CLSTN2: variants seen among roughly 807,000 people sequenced by gnomAD.
The protein encoded by CLSTN2 is calsyntenin-2.
A neutral mutation model predicts 101.2 loss-of-function variants in CLSTN2; 48 were observed. That is an observed-to-expected ratio of 0.47 (90% CI 0.38 to 0.60). The LOEUF is 0.60. Among genes scored for constraint, CLSTN2 ranks in the 20% least tolerant of loss-of-function variants. CLSTN2 has a pLI of 0.00. For synonymous variants in CLSTN2, 481 were observed against 463.6 expected, an observed-to-expected ratio of 1.04 and a Z score of -0.48; for missense variants, 1,160 against 1,238.2, an observed-to-expected ratio of 0.94 and a Z score of 0.95.
At chr3:140,331,924 T>A (rs576954163) in intron 2 of CLSTN2, among the ~76,000 whole-genome samples, 3 of 152,208 alleles carry the variant, frequency 2.0e-5, no homozygotes, top group Non-Finnish European at 4.4e-5. Flanking sequence ...TTAGATTCCA[T>A]CCATCCATTC....
At chr3:140,345,768 T>C (rs2087540766) in intron 2 of CLSTN2, among the ~76,000 whole-genome samples, 1 of 152,086 alleles carries the variant, frequency 6.6e-6, no homozygotes, top group South Asian at 2.1e-4. Flanking sequence ...GCTAGCTGTT[T>C]TTAATCCACT....
rs143301654 is a variant in CLSTN2 at position 140,387,080 on chromosome 3, T to C, written c.233-16549T>C. ...CTTAACATAGGTGTGGGCTGTGAAG[T>C]CAGGGAGATGAGATGAGGAAGTACA... On this transcript the variant is annotated intron_variant, in intron 2 of 16. Transcript: ENST00000458420. Among the ~76,000 whole-genome samples the C allele has an allele frequency of 8.5e-5, 13 of 152,192 alleles. No homozygotes were observed. In the East Asian group the frequency reaches 2.3e-3, roughly 27 times the overall value.
At chr3:140,488,638 CTT>C (rs66504085) in intron 8 of CLSTN2, among the ~76,000 whole-genome samples, 8,966 of 73,386 alleles carry the variant, frequency 0.12, 373 homozygotes, top group African/African-American at 0.18. Context: ...TTAATACGTG[CTT>C]TTTTTTTTTT....
chr3:140,358,596 A>AT (rs2087697417), intron 2 of CLSTN2, among the ~76,000 whole-genome samples: 17 of 152,262 alleles, frequency 1.1e-4, no homozygotes, highest in Admixed American at 9.8e-4. Flanking sequence ...TGCATATTTG[A>AT]ATCTCTGCAC....
intron 1 of CLSTN2, among the ~76,000 whole-genome samples, chr3:139,972,289 C>A (rs1935720822): frequency 6.6e-6 from 1 of 151,942 alleles, no homozygotes; most frequent in South Asian, 2.1e-4. Context: ...TGATAGGACC[C>A]TGGGGGGTGT....
intron 2 of CLSTN2, among the ~76,000 whole-genome samples, chr3:140,294,143 A>C (rs79625079): frequency 6.6e-6 from 1 of 152,144 alleles, no homozygotes; most frequent in African/African-American, 2.4e-5. Flanking sequence ...TATAAAATCA[A>C]AAGTCTTGAT....
chr3:140,423,754 C>A (rs1329211574), intron 5 of CLSTN2, among the ~76,000 whole-genome samples: 1 of 152,168 alleles, frequency 6.6e-6, no homozygotes, highest in Non-Finnish European at 1.5e-5. Context: ...CATTCCTTTC[C>A]TTATTTGGAA....
At chr3:140,441,943 G>C (rs138458799) in intron 5 of CLSTN2, among the ~76,000 whole-genome samples, 1 of 152,126 alleles carries the variant, frequency 6.6e-6, no homozygotes, top group East Asian at 1.9e-4. Context: ...ACTCAGAAGC[G>C]GAAGTACTAT....
intron 2 of CLSTN2, among the ~76,000 whole-genome samples, chr3:140,250,545 C>T (rs1417805162): frequency 6.6e-6 from 1 of 152,192 alleles, no homozygotes; most frequent in Admixed American, 6.5e-5. Context: ...TTTACATAAT[C>T]ATTTGATGTA....
At chr3:140,121,973 C>T (rs1012473966) in intron 1 of CLSTN2, among the ~76,000 whole-genome samples, 2 of 152,246 alleles carry the variant, frequency 1.3e-5, no homozygotes, top group Admixed American at 6.5e-5. Flanking sequence ...AAAAACACAA[C>T]CCTGCTATTT....
chr3:140,014,403 G>C (rs775815702), intron 1 of CLSTN2, among the ~76,000 whole-genome samples: 4 of 151,976 alleles, frequency 2.6e-5, no homozygotes, highest in Admixed American at 6.6e-5. Context: ...GTTTTTAGTA[G>C]AGACGGAGTT....
intron 1 of CLSTN2, among the ~76,000 whole-genome samples, chr3:140,163,322 C>A (rs2010080738): frequency 6.6e-6 from 1 of 152,042 alleles, no homozygotes; most frequent in African/African-American, 2.4e-5. Context: ...GCATCAACTT[C>A]TGTCTGGGTT....
intron 2 of CLSTN2, among the ~76,000 whole-genome samples, chr3:140,250,884 G>A (rs1317138780): frequency 6.6e-6 from 1 of 152,052 alleles, no homozygotes; most frequent in Non-Finnish European, 1.5e-5. Context: ...TTTTTTTGGT[G>A]GAAAAGATAT....
intron 8 of CLSTN2, among the ~76,000 whole-genome samples, chr3:140,489,913 C>G (rs1398533131): frequency 6.7e-6 from 1 of 149,606 alleles, no homozygotes; most frequent in Non-Finnish European, 1.5e-5. Flanking sequence ...AATAGTGCGT[C>G]TAGGGTCCCG....
chr3:140,352,091 C>G (rs1382634421), intron 2 of CLSTN2, among the ~76,000 whole-genome samples: 1 of 152,144 alleles, frequency 6.6e-6, no homozygotes, highest in African/African-American at 2.4e-5. Flanking sequence ...TCTTCCTAAA[C>G]CTTGGTTTTT....
intron 1 of CLSTN2, among the ~76,000 whole-genome samples, chr3:139,990,667 G>C (rs1488731026): frequency 6.6e-6 from 1 of 152,228 alleles, no homozygotes; most frequent in Non-Finnish European, 1.5e-5. Context: ...ACCCCACCTG[G>C]GGGGTGAGAG....
chr3:140,304,478 G>T (rs1346290613), intron 2 of CLSTN2, among the ~76,000 whole-genome samples: 3 of 152,168 alleles, frequency 2.0e-5, no homozygotes, highest in African/African-American at 7.2e-5. Context: ...TAACGGCAGA[G>T]AGCAAGCTCT....
At position 140,175,974 on chromosome 3, in the gene CLSTN2, G is replaced by A. The variant is rs1256714027; in HGVS notation, c.133G>A (p.Glu45Lys). 7 of 1,612,700 alleles carry A rather than the reference G, an allele frequency of 4.3e-6. No individual in the cohort carries two copies. Among genetic ancestry groups the A allele is most frequent in the African/African-American group, 1.3e-5 (1 of 74,790 alleles). ...AKVNKHKPWIETSYHGVITEN... is the reference protein window; with the variant it reads ...AKVNKHKPWIKTSYHGVITEN... ...AGTCAATAAGCACAAGCCATGGATC[G>A]AGACTTCATATCATGGAGTCATAAC... The change falls in exon 2 of 17, where the codon GAG becomes AAG. Residue 45 changes from glutamate to lysine, a missense_variant. Coordinates refer to ENST00000458420, the MANE Select transcript of CLSTN2 (RefSeq NM_022131.3).
At chr3:140,524,759 G>T (rs1450250975) in intron 8 of CLSTN2, among the ~76,000 whole-genome samples, 1 of 152,112 alleles carries the variant, frequency 6.6e-6, no homozygotes, top group African/African-American at 2.4e-5. Context: ...TCTCAAGACT[G>T]CAATGCAGCA....
Sources: allele counts gnomAD v4.1 joint callset (sites outside exome capture counted in the v4.1 genomes callset), GRCh38; gene constraint gnomAD v4.1.1; transcripts MANE v1.5; gene names NCBI Gene and HGNC (gene_info 2026-07-23, HGNC 2026-07-21).